The following ADAMTSL1 variants were observed in gnomAD, a reference collection of about 807,000 sequenced individuals.
The protein encoded by ADAMTSL1 is ADAMTS like 1.
In ADAMTSL1, 126 loss-of-function variants were observed where a neutral mutation model predicts 201.8. That is an observed-to-expected ratio of 0.62 (90% CI 0.54 to 0.72). The LOEUF is 0.72. Among genes scored for constraint, ADAMTSL1 ranks in the 30% least tolerant of loss-of-function variants. The pLI is 0.00. For missense variants in ADAMTSL1, 2,679 were observed against 2,277.8 expected (o/e 1.18, Z -3.59); for synonymous variants, 1,121 against 903.4 (o/e 1.24, Z -4.32).
chr9:18,899,877 T>A (rs1030727424), intron 26 of ADAMTSL1, among the ~76,000 whole-genome samples: 1 of 152,144 alleles, frequency 6.6e-6, no homozygotes, highest in South Asian at 2.1e-4. Context: ...AACATAGGCA[T>A]AGGCAAAGAT....
chr9:18,238,857 T>C (rs1302580042), intron 2 of ADAMTSL1, among the ~76,000 whole-genome samples: 3 of 152,196 alleles, frequency 2.0e-5, no homozygotes, highest in African/African-American at 4.8e-5. Flanking sequence ...TTTACTCTCC[T>C]AGCACTTTTG....
rs577759758 is a variant in ADAMTSL1, at chr9:18,769,660, C to T, written c.2218-942C>T. Among the ~76,000 whole-genome samples the T allele has an allele frequency of 2.9e-4, 44 of 152,220 alleles. 1 individual carries two copies. In the South Asian group the frequency reaches 7.5e-3, roughly 26 times the overall value. ...ATCACGTTCACATTCCAGCCAGCAG[C>T]GAGGAGAAAGAGAAGGGAAGAGATG... is the stretch of plus-strand genomic sequence containing the variant. On this transcript the variant is annotated intron_variant, in intron 16 of 28. Transcript: ENST00000380548.
At chr9:18,225,837 A>G (rs1360497658) in intron 2 of ADAMTSL1, among the ~76,000 whole-genome samples, 1 of 152,126 alleles carries the variant, frequency 6.6e-6, no homozygotes, top group African/African-American at 2.4e-5. Flanking sequence ...CTGCATACTT[A>G]TCTTTCTTTC....
At chr9:18,666,056 T>C (rs1829412460) in intron 9 of ADAMTSL1, among the ~76,000 whole-genome samples, 3 of 152,166 alleles carry the variant, frequency 2.0e-5, no homozygotes, top group African/African-American at 7.2e-5. Flanking sequence ...TTGGTTCTCA[T>C]TCTTCTAAAA....
intron 2 of ADAMTSL1, among the ~76,000 whole-genome samples, chr9:18,239,756 A>G (rs910084657): frequency 6.6e-6 from 1 of 151,824 alleles, no homozygotes; most frequent in Non-Finnish European, 1.5e-5. Flanking sequence ...TCAAAGAAAG[A>G]AGGAAAGAAG....
chr9:17,999,272 T>A (rs1216660433), intron 1 of ADAMTSL1, among the ~76,000 whole-genome samples: 1 of 152,018 alleles, frequency 6.6e-6, no homozygotes, highest in Admixed American at 6.6e-5. Flanking sequence ...TAAATCCTAT[T>A]GTATGTTTAG....
intron 15 of ADAMTSL1, among the ~76,000 whole-genome samples, chr9:18,725,357 T>C (rs781423822): frequency 6.6e-6 from 1 of 152,222 alleles, no homozygotes; most frequent in Non-Finnish European, 1.5e-5. Flanking sequence ...TCGGGAAAGA[T>C]GGAAAGTAGT....
intron 1 of ADAMTSL1, among the ~76,000 whole-genome samples, chr9:17,937,029 A>G (rs921493821): frequency 6.6e-6 from 1 of 152,106 alleles, no homozygotes; most frequent in African/African-American, 2.4e-5. Context: ...GCCCTCCGCT[A>G]GCCAGTGTGT....
intron 13 of ADAMTSL1, among the ~76,000 whole-genome samples, chr9:18,688,704 A>ATATATATATC (rs138160150): frequency 3.2e-4 from 23 of 72,394 alleles, no homozygotes; most frequent in African/African-American, 7.9e-4. Flanking sequence ...ATATATATAT[A>ATATATATATC]TATATGACTG....
intron 13 of ADAMTSL1, among the ~76,000 whole-genome samples, chr9:18,696,115 C>T (rs1312124191): frequency 6.6e-6 from 1 of 152,322 alleles, no homozygotes; most frequent in East Asian, 1.9e-4. Flanking sequence ...GGTCCAGTCA[C>T]CTCCCACCAG....
At chr9:18,173,242 G>A (rs1392658498) in intron 2 of ADAMTSL1, among the ~76,000 whole-genome samples, 1 of 152,100 alleles carries the variant, frequency 6.6e-6, no homozygotes, top group East Asian at 1.9e-4. Context: ...ATTAGCAGTG[G>A]TTGAACTGGA....
At chr9:17,984,819 G>A (rs1242331601) in intron 1 of ADAMTSL1, among the ~76,000 whole-genome samples, 1 of 151,980 alleles carries the variant, frequency 6.6e-6, no homozygotes, top group East Asian at 1.9e-4. Flanking sequence ...TCTGATTTAG[G>A]CTTTTCCTCA....
At chr9:18,063,044 T>C (rs1311108387) in intron 1 of ADAMTSL1, among the ~76,000 whole-genome samples, 6 of 152,180 alleles carry the variant, frequency 3.9e-5, no homozygotes, top group Non-Finnish European at 7.3e-5. Context: ...CAAAAAAGTT[T>C]GTTGCCGGGT....
intron 20 of ADAMTSL1, among the ~76,000 whole-genome samples, chr9:18,800,426 T>C (rs1822721498): frequency 6.8e-6 from 1 of 147,084 alleles, no homozygotes; most frequent in Non-Finnish European, 1.5e-5. Context: ...CAGGTTTGAC[T>C]GTTCTCTGGG....
At chr9:18,051,237 G>A (rs1013651728) in intron 1 of ADAMTSL1, among the ~76,000 whole-genome samples, 2 of 152,144 alleles carry the variant, frequency 1.3e-5, no homozygotes, top group Admixed American at 6.5e-5. Flanking sequence ...GGAGGAGGAG[G>A]TTGTAGTGAG....
intron 2 of ADAMTSL1, among the ~76,000 whole-genome samples, chr9:18,254,361 T>TTTG (rs1831588664): frequency 1.8e-5 from 2 of 109,014 alleles, no homozygotes; most frequent in Non-Finnish European, 3.8e-5. Flanking sequence ...TTTTTTTTTT[T>TTTG]TTTTTTTTTT....
At position 18,775,901 on chromosome 9, in the gene ADAMTSL1, G is replaced by C; in HGVS notation, c.2551+5G>C. ...GTATGCTGGCAACCTGTGCAAGTAAGTATGTCAGGGCTCTGGGAATGGGGA... is the reference window on the plus strand; with the variant it reads ...GTATGCTGGCAACCTGTGCAAGTAACTATGTCAGGGCTCTGGGAATGGGGA... On this transcript the variant is annotated splice_donor_5th_base_variant and intron_variant, in intron 18 of 28. Coordinates refer to ENST00000380548, the MANE Select transcript of ADAMTSL1 (RefSeq NM_001040272.6). 10 of 1,586,994 alleles carry C rather than the reference G, an allele frequency of 6.3e-6. No individual in the cohort carries two copies. The highest frequency in any genetic ancestry group is 8.6e-6 in the Non-Finnish European group (10 of 1,165,656).
chr9:18,562,354 C>A (rs373634313), intron 3 of ADAMTSL1, among the ~76,000 whole-genome samples: 1 of 152,182 alleles, frequency 6.6e-6, no homozygotes. Context: ...CCCCCACTCT[C>A]TTCTGGCTTG....
chr9:17,954,953 C>G (rs1010432114), intron 1 of ADAMTSL1, among the ~76,000 whole-genome samples: 1 of 152,018 alleles, frequency 6.6e-6, no homozygotes, highest in Non-Finnish European at 1.5e-5. Flanking sequence ...CTCCAGAGGC[C>G]CCTTAGGAAA....
Sources: gnomAD v4.1 joint callset for allele counts (sites outside exome capture counted in the v4.1 genomes callset) on GRCh38, gnomAD v4.1.1 for gene constraint, MANE v1.5 for transcripts, NCBI Gene and HGNC (gene_info 2026-07-23, HGNC 2026-07-21) for gene names.